Variants in ME2 observed in about 807,000 individuals in gnomAD.
The protein encoded by ME2 is NAD-dependent malic enzyme, mitochondrial.
In ME2, 60 loss-of-function variants were observed where a neutral mutation model predicts 73.7. That is an observed-to-expected ratio of 0.81 (90% confidence interval 0.66 to 1.01). The LOEUF (loss-of-function observed/expected upper bound fraction) is 1.01, where lower values mean the gene tolerates loss of function less well. Among genes scored for constraint, ME2 ranks in the 50% least tolerant of loss-of-function variants. The pLI is 0.00. For missense variants in ME2, 594 were observed against 705.5 expected, an observed-to-expected ratio of 0.84 and a Z score of 1.79; for synonymous variants, 199 against 236.9, an observed-to-expected ratio of 0.84 and a Z score of 1.47.
At chr18:50,899,443 C>T (rs888289780) in intron 2 of ME2, among the ~76,000 whole-genome samples, 1 of 152,040 alleles carries the variant, frequency 6.6e-6, no homozygotes, top group African/African-American at 2.4e-5. Flanking sequence ...AGCCTGAACT[C>T]GTCTCTACCA....
At chr18:50,897,916 G>A (rs1444514980) in intron 2 of ME2, among the ~76,000 whole-genome samples, 1 of 151,998 alleles carries the variant, frequency 6.6e-6, no homozygotes, top group East Asian at 1.9e-4. Context: ...CTGGCCTTCT[G>A]AAATCCCTAA....
chr18:50,908,480 T>C (rs967851836), intron 3 of ME2, among the ~76,000 whole-genome samples: 9 of 152,192 alleles, frequency 5.9e-5, no homozygotes, highest in South Asian at 4.1e-4. Flanking sequence ...ACTCATTTTA[T>C]TCAAAAACTT....
At chr18:50,939,790 G>T in intron 14 of ME2, 150 bp downstream of exon 14, 1 of 566,358 alleles carries the variant, frequency 1.8e-6, no homozygotes, top group Non-Finnish European at 3.1e-6. Flanking sequence ...GCCTATTTAT[G>T]CATAAAATTA....
At chr18:50,942,297 G>T (rs1387871635) in intron 15 of ME2, among the ~76,000 whole-genome samples, 1 of 152,106 alleles carries the variant, frequency 6.6e-6, no homozygotes, top group Non-Finnish European at 1.5e-5. Context: ...CTGTTCCTGG[G>T]ATTTCTATTC....
intron 12 of ME2, 76 bp from the exon 13 acceptor site, chr18:50,932,182 G>T: frequency 1.6e-6 from 2 of 1,261,994 alleles, no homozygotes; most frequent in South Asian, 2.5e-5. Flanking sequence ...TTCAGGACTT[G>T]ATTTTGTATG....
At chr18:50,938,033 A>C (rs1917856931) in intron 13 of ME2, among the ~76,000 whole-genome samples, 1 of 152,214 alleles carries the variant, frequency 6.6e-6, no homozygotes, top group Non-Finnish European at 1.5e-5. Context: ...GTTAGGTATA[A>C]AAATAAGGAT....
intron 10 of ME2, 102 bp from the exon 11 acceptor site, chr18:50,923,996 A>G: frequency 2.9e-6 from 2 of 682,864 alleles, no homozygotes; most frequent in South Asian, 2.3e-5. Flanking sequence ...ATGAAAAGAC[A>G]TTTCTATTGT....
In ME2 at chr18:50,918,091, C is replaced by T; in HGVS notation, c.631-19C>T. ...GATTATATAAATTATTTTATTTTTA[C>T]ATTTGGTTTATTTTGTAGGCACTCT... On this transcript the variant is annotated intron_variant, in intron 6 of 15. Transcript: ENST00000321341. The T allele has an allele frequency of 6.9e-7, 1 of 1,453,800 alleles. No individual in the cohort carries two copies. Among genetic ancestry groups the T allele is most frequent in the South Asian group, 1.3e-5 (1 of 74,346 alleles). 90.1% of individuals were successfully genotyped at this position (1,453,800 alleles called of 1,614,324 possible).
intron 5 of ME2, 75 bp downstream of exon 5, chr18:50,916,318 GT>G (rs1917283158): frequency 4.4e-6 from 5 of 1,125,192 alleles, no homozygotes; most frequent in Admixed American, 3.9e-5. Context: ...TCCAAGAACA[GT>G]TTTTCATTGT....
chr18:50,906,605 G>A (rs954990228), intron 2 of ME2, among the ~76,000 whole-genome samples: 4 of 152,184 alleles, frequency 2.6e-5, no homozygotes, highest in African/African-American at 9.7e-5. Flanking sequence ...GAGCCACCGT[G>A]CCTGGCCTCC....
chr18:50,911,558 G>A (rs907485729), intron 3 of ME2, among the ~76,000 whole-genome samples: 2 of 152,172 alleles, frequency 1.3e-5, no homozygotes, highest in African/African-American at 4.8e-5. Context: ...AGTCTAAAGC[G>A]TGTATGTATA....
At chr18:50,917,246 C>A in intron 5 of ME2, 101 bp from the exon 6 acceptor site, 1 of 877,312 alleles carries the variant, frequency 1.1e-6, no homozygotes, top group Non-Finnish European at 1.7e-6. Flanking sequence ...TTTTTAAGAG[C>A]AAAGAGTAAA....
chr18:50,913,170 T>C lies in ME2; in HGVS notation c.392+220T>C, dbSNP rs575443636. 1.5e-5 allele frequency: 5 copies of C among 343,120 alleles called. No homozygotes were observed. The East Asian group carries it at 2.0e-4, about 13-fold the overall frequency. 21.3% of individuals were successfully genotyped at this position (343,120 alleles called of 1,614,324 possible). A position where few individuals can be genotyped will look rare whatever the true frequency, so the allele number is the denominator to read the frequency against. Reference sequence around the variant, plus strand: ...AATTCATTTCTAATCTTCTTTAAATTATTGTGATTGTTAGAGGAATTACAT... The same window carrying C: ...AATTCATTTCTAATCTTCTTTAAATCATTGTGATTGTTAGAGGAATTACAT... On this transcript the variant is annotated intron_variant, in intron 4 of 15. Transcript: ENST00000321341.
rs1338242740 is a variant in ME2 at position 50,918,156 on chromosome 18, A to G, written c.677A>G (p.Asp226Gly). Residue 226 changes from aspartate to glycine, a missense_variant, in exon 7 of 16, where the codon GAT (aspartate) becomes GGT (glycine). Coordinates refer to ENST00000321341, the MANE Select transcript of ME2 (RefSeq NM_002396.5). ...TACATGGGCTTGTACCAGAAACGAG[A>G]TCGCACACAACAGTATGATGACCTG... is the stretch of plus-strand genomic sequence containing the variant. ...PFYMGLYQKR[D>G]RTQQYDDLID... 6.2e-7 allele frequency: 1 copy of G among 1,609,710 alleles called. No homozygotes were observed. Among genetic ancestry groups the G allele is most frequent in the Non-Finnish European group, 8.5e-7 (1 of 1,177,058 alleles).
At chr18:50,902,076 C>T (rs956363650) in intron 2 of ME2, among the ~76,000 whole-genome samples, 1 of 152,122 alleles carries the variant, frequency 6.6e-6, no homozygotes, top group Non-Finnish European at 1.5e-5. Context: ...GAATAATGAA[C>T]CATAGATTGC....
chr18:50,936,157 G>A (rs1270035185), intron 13 of ME2, among the ~76,000 whole-genome samples: 4 of 152,180 alleles, frequency 2.6e-5, no homozygotes, highest in South Asian at 2.1e-4. Context: ...AGAAGCGACC[G>A]TTAGACTGAC....
chr18:50,892,024 T>C (rs1422370617), intron 1 of ME2, among the ~76,000 whole-genome samples: 1 of 151,808 alleles, frequency 6.6e-6, no homozygotes, highest in Admixed American at 6.6e-5. Context: ...TTTCACCATA[T>C]TGACCATGCT....
rs143889925 is a variant in ME2, at chr18:50,887,204, T to C, written c.-13+7896T>C. On this transcript the variant is annotated intron_variant, in intron 1 of 15. Transcript: ENST00000321341. ...CTTCCAGTTTAAAGTGATCGATTAGTCACATGTTGAAATCTCCCTTTCTTG... is the reference window on the plus strand; with the variant it reads ...CTTCCAGTTTAAAGTGATCGATTAGCCACATGTTGAAATCTCCCTTTCTTG... Among the ~76,000 whole-genome samples, 17 of 152,308 alleles carry C rather than the reference T, an allele frequency of 1.1e-4. No individual in the cohort carries two copies. In the East Asian group the frequency reaches 3.1e-3, roughly 28 times the overall value.
intron 14 of ME2, 141 bp downstream of exon 14, chr18:50,939,781 C>A: frequency 1.7e-6 from 1 of 581,548 alleles, no homozygotes; most frequent in Non-Finnish European, 3.0e-6. Context: ...TTATGATTTG[C>A]CTATTTATGC....
Sources: gnomAD v4.1 joint callset for allele counts (sites outside exome capture counted in the v4.1 genomes callset) on GRCh38, gnomAD v4.1.1 for gene constraint, MANE v1.5 for transcripts, NCBI Gene and HGNC (gene_info 2026-07-23, HGNC 2026-07-21) for gene names.